Variants in POLR1D observed in about 807,000 individuals in gnomAD.
The protein encoded by POLR1D is RNA polymerase I and III subunit D.
In POLR1D, 8 loss-of-function variants were observed where a neutral mutation model predicts 10.8. The ratio of observed to expected loss-of-function variants is 0.74; its 90% CI spans 0.43 to 1.33. POLR1D has a LOEUF of 1.33. Ranked by LOEUF, POLR1D falls within the 40% of genes most tolerant of loss-of-function variation. The pLI is 0.01. For synonymous variants in POLR1D, 54 were observed against 57.2 expected (o/e 0.94, Z 0.25); for missense variants, 152 against 161.7 (o/e 0.94, Z 0.32).
chr13:27,622,442 T>C (rs1374923799), intron 1 of POLR1D: 1 of 289,204 alleles, frequency 3.5e-6, no homozygotes, highest in Non-Finnish European at 6.5e-6. Flanking sequence ...TTCCTTCTCT[T>C]GCAAAATGGA....
intron 1 of POLR1D, among the ~76,000 whole-genome samples, chr13:27,647,129 T>C (rs1956228182): frequency 6.6e-6 from 1 of 152,172 alleles, no homozygotes; most frequent in Non-Finnish European, 1.5e-5. Flanking sequence ...ACTTTGTTAT[T>C]GATACATCAT....
chr13:27,624,957 A>C (rs1467786948), downstream of POLR1D, among the ~76,000 whole-genome samples: 3 of 152,186 alleles, frequency 2.0e-5, no homozygotes, highest in Non-Finnish European at 4.4e-5. Flanking sequence ...GATAGAAAAC[A>C]TAAGAAAGGA....
chr13:27,657,585 G>A (rs1235568532), intron 2 of POLR1D, among the ~76,000 whole-genome samples: 2 of 152,054 alleles, frequency 1.3e-5, no homozygotes, highest in Non-Finnish European at 2.9e-5. Context: ...CCTCACTCTA[G>A]GGCATTCTGA....
chr13:27,624,934 A>G (rs73432873), downstream of POLR1D, among the ~76,000 whole-genome samples: 3,391 of 152,234 alleles, frequency 0.022, 142 homozygotes, highest in African/African-American at 0.077. Context: ...AAAAGCAGCA[A>G]ATGTAGGGTC....
chr13:27,629,529 C>CA (rs1390139874), intron 1 of POLR1D, among the ~76,000 whole-genome samples: 5 of 152,056 alleles, frequency 3.3e-5, no homozygotes, highest in African/African-American at 4.8e-5. Flanking sequence ...AACTTTGAAA[C>CA]AAAAAATCTT....
intron 1 of POLR1D, among the ~76,000 whole-genome samples, chr13:27,647,647 CATTT>C (rs1956232581): frequency 6.6e-6 from 1 of 152,164 alleles, no homozygotes; most frequent in Non-Finnish European, 1.5e-5. Context: ...GCCAAAAATT[CATTT>C]GTCTTCATTT....
At chr13:27,621,807 C>T (rs886050104), upstream of POLR1D, 11 of 621,188 alleles carry the variant, frequency 1.8e-5, no homozygotes, top group Non-Finnish European at 2.6e-5. Flanking sequence ...GGTGGAGCCT[C>T]ATGCCCCGCC....
chr13:27,624,481 CT>C (rs369991063), downstream of POLR1D, among the ~76,000 whole-genome samples: 404 of 151,362 alleles, frequency 2.7e-3, 2 homozygotes, highest in South Asian at 8.9e-3. Context: ...CAGCCAAATT[CT>C]TTAAAGAGAT....
intron 1 of POLR1D, among the ~76,000 whole-genome samples, chr13:27,641,013 G>T (rs908746636): frequency 6.6e-6 from 1 of 151,900 alleles, no homozygotes; most frequent in South Asian, 2.1e-4. Flanking sequence ...CTCTTATTCC[G>T]TATTGGTTTT....
chr13:27,652,334 C>T (rs903220715), intron 2 of POLR1D, among the ~76,000 whole-genome samples: 1 of 152,086 alleles, frequency 6.6e-6, no homozygotes, highest in Non-Finnish European at 1.5e-5. Flanking sequence ...TTCTGCTCTC[C>T]CTGGGGAAAG....
chr13:27,649,103 T>C (rs1956245347), intron 2 of POLR1D, among the ~76,000 whole-genome samples: 1 of 152,192 alleles, frequency 6.6e-6, no homozygotes, highest in African/African-American at 2.4e-5. Context: ...ACTACTTTAG[T>C]GATGCCATTT....
At chr13:27,626,864 G>C (rs142988720), downstream of POLR1D, among the ~76,000 whole-genome samples, 119 of 152,242 alleles carry the variant, frequency 7.8e-4, no homozygotes, top group African/African-American at 2.6e-3. Flanking sequence ...ACTCTAATTA[G>C]TTGGCATAAT....
chr13:27,648,137 GTC>G (rs1956236472), intron 1 of POLR1D: 2 of 379,310 alleles, frequency 5.3e-6, no homozygotes, highest in Admixed American at 7.8e-5. Flanking sequence ...TGATTTAACT[GTC>G]TCATATCAAA....
At chr13:27,651,248 G>T (rs990303606) in intron 2 of POLR1D, 2 of 152,118 alleles carry the variant, frequency 1.3e-5, no homozygotes, top group Non-Finnish European at 2.9e-5. Context: ...TGTGAGAAAT[G>T]CTACAGGACA....
chr13:27,620,752 T>A (rs1955896042), upstream of POLR1D: 1 of 152,334 alleles, frequency 6.6e-6, no homozygotes, highest in Non-Finnish European at 1.5e-5. Flanking sequence ...CACTCCGCCC[T>A]CGCCGCCCGC....
At chr13:27,644,125 A>G (rs1956198794) in intron 1 of POLR1D, among the ~76,000 whole-genome samples, 1 of 151,868 alleles carries the variant, frequency 6.6e-6, no homozygotes, top group African/African-American at 2.4e-5. Flanking sequence ...CCTCTGGCTG[A>G]CTCCATCATT....
chr13:27,643,552 T>G (rs74588013), intron 1 of POLR1D, among the ~76,000 whole-genome samples: 7,683 of 152,246 alleles, frequency 0.05, 283 homozygotes, highest in South Asian at 0.12. Context: ...CTACTGGCAG[T>G]GTGAACCTAT....
chr13:27,623,349 T>C lies in POLR1D; in HGVS notation c.*99T>C. On this transcript the variant is annotated 3_prime_UTR_variant, in exon 2 of 2. Coordinates refer to ENST00000302979, the MANE Select transcript of POLR1D (RefSeq NM_015972.4). Reference sequence around the variant, plus strand: ...AAGTTTGTGGTTACAGCATACTCTGTCCTTCAGAAAGGCGTGATTCTAGCT... The same window carrying C: ...AAGTTTGTGGTTACAGCATACTCTGCCCTTCAGAAAGGCGTGATTCTAGCT... 4 of 1,571,598 alleles carry C rather than the reference T, an allele frequency of 2.5e-6. No individual in the cohort carries two copies. The African/African-American group carries it at 4.1e-5, about 16-fold the overall frequency.
rs137962733 is a variant in POLR1D, at chr13:27,657,303, G to C, written c.102-8383G>C. On this transcript the variant is annotated intron_variant, in intron 2 of 2. Transcript: ENST00000399697. The stretch of plus-strand genomic sequence containing the variant: ...CTAGCACTTTGGGAGGCCGAGGCAG[G>C]TGGATTGCCCGAGCTCAGGAGTTCA... Among the ~76,000 whole-genome samples, 191 of 152,270 alleles carry C rather than the reference G, an allele frequency of 1.3e-3. 1 individual carries two copies. Among genetic ancestry groups the C allele is most frequent in the African/African-American group, 4.5e-3 (185 of 41,556 alleles).
Sources: gnomAD v4.1 joint callset for allele counts (sites outside exome capture counted in the v4.1 genomes callset) on GRCh38, gnomAD v4.1.1 for gene constraint, MANE v1.5 for transcripts, NCBI Gene and HGNC (gene_info 2026-07-23, HGNC 2026-07-21) for gene names.